The following NRXN1 variants were observed in gnomAD, a reference collection of about 807,000 sequenced individuals.
NRXN1 encodes the protein neurexin-1.
A neutral mutation model predicts 150.9 loss-of-function variants in NRXN1; 39 were observed. The ratio of observed to expected loss-of-function variants is 0.26; its 90% CI spans 0.20 to 0.34. The LOEUF (loss-of-function observed/expected upper bound fraction) is 0.34, where lower values mean the gene tolerates loss of function less well. NRXN1 is among the 10% of genes least tolerant of loss of function. The pLI is 1.00. For synonymous variants in NRXN1, 924 were observed against 757.0 expected (o/e 1.22, Z -3.62); for missense variants, 1,815 against 1,949.9 (o/e 0.93, Z 1.30).
At chr2:50,595,116 T>G (rs1178886738) in intron 8 of NRXN1, among the ~76,000 whole-genome samples, 1 of 151,776 alleles carries the variant, frequency 6.6e-6, no homozygotes, top group Non-Finnish European at 1.5e-5. Context: ...TGTGTATTGT[T>G]ATGAGGACAT....
intron 5 of NRXN1, among the ~76,000 whole-genome samples, chr2:50,795,994 T>G (rs962000092): frequency 6.6e-6 from 1 of 152,126 alleles, no homozygotes; most frequent in African/African-American, 2.4e-5. Context: ...ATCTAATTAG[T>G]GCTTCAACTA....
Position 51,028,281 on chromosome 2 carries a change from G to A in NRXN1, c.-8C>T. On this transcript the variant is annotated 5_prime_UTR_variant, in exon 2 of 23. Coordinates refer to ENST00000401669, the MANE Select transcript of NRXN1 (RefSeq NM_001330078.2). ...GAGCAGCGCCGTCCCCATGCTCGGG[G>A]CTGGGGTGCGGCGGGGGGGTGCCGG... 1 of 1,433,320 alleles carries A rather than the reference G, an allele frequency of 7.0e-7. No individual in the cohort carries two copies. Among genetic ancestry groups the A allele is most frequent in the Non-Finnish European group, 9.1e-7 (1 of 1,098,430 alleles). 88.8% of individuals were successfully genotyped at this position (1,433,320 alleles called of 1,614,324 possible). A position where few individuals can be genotyped will look rare whatever the true frequency, so the allele number is the denominator to read the frequency against.
At chr2:49,936,816 GTACACACA>G (rs1671119290) in intron 22 of NRXN1, among the ~76,000 whole-genome samples, 3 of 149,888 alleles carry the variant, frequency 2.0e-5, no homozygotes, top group African/African-American at 7.4e-5. Context: ...AAAAACATAT[GTACACACA>G]CACACACACA....
At chr2:50,508,288 T>C (rs2092322698) in intron 12 of NRXN1, among the ~76,000 whole-genome samples, 1 of 152,090 alleles carries the variant, frequency 6.6e-6, no homozygotes, top group East Asian at 1.9e-4. Flanking sequence ...TCCAGATACA[T>C]GAATTTAAAA....
At chr2:50,251,540 T>C (rs1437576417) in intron 17 of NRXN1, among the ~76,000 whole-genome samples, 1 of 152,198 alleles carries the variant, frequency 6.6e-6, no homozygotes, top group Non-Finnish European at 1.5e-5. Context: ...TCTTTGGGTA[T>C]ATACCCAGTA....
intron 17 of NRXN1, among the ~76,000 whole-genome samples, chr2:50,303,129 T>C (rs1344471369): frequency 6.6e-6 from 1 of 152,194 alleles, no homozygotes; most frequent in Non-Finnish European, 1.5e-5. Context: ...TGGATCTCAT[T>C]GGAGTAACAT....
chr2:49,979,065 G>A (rs935721215), intron 21 of NRXN1, among the ~76,000 whole-genome samples: 46 of 152,118 alleles, frequency 3.0e-4, no homozygotes, highest in African/African-American at 1.4e-4. Context: ...TTGGGAGGCC[G>A]AAGCAGGTGG....
chr2:50,869,201 A>T (rs1574771385), intron 5 of NRXN1, among the ~76,000 whole-genome samples: 2 of 151,790 alleles, frequency 1.3e-5, no homozygotes, highest in South Asian at 4.1e-4. Flanking sequence ...AACAGTCTGA[A>T]ATAATTTAGA....
chr2:50,413,703 T>C (rs2083345206), intron 17 of NRXN1, among the ~76,000 whole-genome samples: 1 of 152,044 alleles, frequency 6.6e-6, no homozygotes. Flanking sequence ...AGAAAGGAAA[T>C]CAGTATATCA....
chr2:50,530,334 G>T (rs1409849271), intron 11 of NRXN1, among the ~76,000 whole-genome samples: 1 of 152,128 alleles, frequency 6.6e-6, no homozygotes, highest in Non-Finnish European at 1.5e-5. Context: ...GGCATAGTTT[G>T]CATGAAACGA....
rs138777361 is a variant in NRXN1, at chr2:50,150,315, C to A, written c.3547-58821G>T. ...TCCTATTAAGGAGGTTTTACCAGCA[C>A]TTGCAATGAACACTAACACTTATAA... On this transcript the variant is annotated intron_variant, in intron 18 of 22. Coordinates refer to ENST00000401669, the MANE Select transcript of NRXN1 (RefSeq NM_001330078.2). 4.4e-3 allele frequency among the ~76,000 whole-genome samples: 661 copies of A among 151,896 alleles called. 3 individuals carry two copies. In the Middle Eastern group the frequency reaches 0.044, roughly 10 times the overall value.
intron 17 of NRXN1, among the ~76,000 whole-genome samples, chr2:50,248,858 C>A (rs528555898): frequency 6.6e-6 from 1 of 151,954 alleles, no homozygotes; most frequent in African/African-American, 2.4e-5. Context: ...AATTGGCATA[C>A]GTTTTGGGCT....
At chr2:50,207,603 C>T (rs17040210) in intron 18 of NRXN1, 46,112 of 166,608 alleles carry the variant, frequency 0.28, 7,341 homozygotes, top group African/African-American at 0.4. Context: ...TACTATGTGA[C>T]GGAACTTGAC....
intron 5 of NRXN1, among the ~76,000 whole-genome samples, chr2:50,822,630 A>C (rs1159227745): frequency 6.6e-6 from 1 of 152,140 alleles, no homozygotes; most frequent in Non-Finnish European, 1.5e-5. Context: ...GTGAATGCTG[A>C]GAAAAAGAGA....
chr2:50,678,270 G>A (rs905371391), intron 5 of NRXN1, among the ~76,000 whole-genome samples: 2 of 152,048 alleles, frequency 1.3e-5, no homozygotes, highest in Non-Finnish European at 2.9e-5. Flanking sequence ...AATATAACAC[G>A]AATACACAAG....
At chr2:50,758,470 A>G (rs1701413854) in intron 5 of NRXN1, among the ~76,000 whole-genome samples, 1 of 151,726 alleles carries the variant, frequency 6.6e-6, no homozygotes, top group South Asian at 2.1e-4. Context: ...CTATTTAAAA[A>G]CAAACAAACA....
intron 5 of NRXN1, among the ~76,000 whole-genome samples, chr2:50,906,109 T>C (rs1683634639): frequency 6.6e-6 from 1 of 152,092 alleles, no homozygotes; most frequent in African/African-American, 2.4e-5. Context: ...ACTAAGGTTA[T>C]CCCTACTGGC....
rs1466812174 is a variant in NRXN1 at position 50,470,345 on chromosome 2, C to T, written c.3244+1953G>A. On this transcript the variant is annotated intron_variant, in intron 16 of 22. Coordinates refer to ENST00000401669, the MANE Select transcript of NRXN1 (RefSeq NM_001330078.2). ...ACTGAAAGGGAAAAAAACATAGTTT[C>T]CTTATGTTTTACAGAGGCATTATGC... Among the ~76,000 whole-genome samples the T allele has an allele frequency of 4.0e-5, 6 of 151,520 alleles. 1 individual carries two copies. The East Asian group carries it at 1.2e-3, about 29-fold the overall frequency.
At chr2:50,184,663 CTCATT>C (rs1386475077) in intron 18 of NRXN1, among the ~76,000 whole-genome samples, 1 of 151,970 alleles carries the variant, frequency 6.6e-6, no homozygotes, top group Non-Finnish European at 1.5e-5. Context: ...CTTGGAAACT[CTCATT>C]TCATTTGAGC....
Sources: allele counts gnomAD v4.1 joint callset (sites outside exome capture counted in the v4.1 genomes callset), GRCh38; gene constraint gnomAD v4.1.1; transcripts MANE v1.5; gene names NCBI Gene and HGNC (gene_info 2026-07-23, HGNC 2026-07-21).